Variants in GLIS1 observed in about 807,000 individuals in gnomAD.
GLIS1 encodes the protein GLIS family zinc finger 1.
Under a neutral mutation model 63.8 loss-of-function variants are expected in GLIS1, and 24 were observed. The ratio of observed to expected loss-of-function variants is 0.38; its 90% CI spans 0.27 to 0.53. GLIS1 has a LOEUF of 0.53. GLIS1 is among the 20% of genes least tolerant of loss of function. GLIS1 has a pLI of 0.85. For missense variants in GLIS1, 1,036 were observed against 1,074.1 expected (o/e 0.96, Z 0.50); for synonymous variants, 450 against 482.5 (o/e 0.93, Z 0.88).
In GLIS1 at chr1:53,684,960, C is replaced by T. The variant is rs189025173; in HGVS notation, c.259+52846G>A. Among the ~76,000 whole-genome samples the T allele has an allele frequency of 1.4e-4, 21 of 152,198 alleles. No individual in the cohort carries two copies. The East Asian group carries it at 3.7e-3, about 27-fold the overall frequency. On this transcript the variant is annotated intron_variant, in intron 2 of 10. Coordinates refer to ENST00000628545, the MANE Select transcript of GLIS1 (RefSeq NM_001367484.1). ...AGTCATGCTGCCATCAAGAGACTCA[C>T]GGGAGGGGAGATAAGCCAGAGCTCT... is the stretch of plus-strand genomic sequence containing the variant.
chr1:53,710,016 C>T (rs995961987), intron 2 of GLIS1, among the ~76,000 whole-genome samples: 1 of 152,158 alleles, frequency 6.6e-6, no homozygotes, highest in African/African-American at 2.4e-5. Context: ...GAGACCTTTG[C>T]CCACATCACA....
chr1:53,587,817 T>C (rs1645151118), intron 4 of GLIS1, among the ~76,000 whole-genome samples: 1 of 152,226 alleles, frequency 6.6e-6, no homozygotes, highest in African/African-American at 2.4e-5. Context: ...AGCAGGTGCT[T>C]AGTGACAGCT....
chr1:53,510,003 T>C lies in GLIS1; in HGVS notation c.1908A>G (p.Pro636=). The change falls in exon 9 of 11, where the codon CCA becomes CCG. Residue 636 remains proline (P), a synonymous_variant. Transcript: ENST00000628545. ...CCAGCCCCTTCAGGGGGCTGACTATTGGTGAGAGGAGGCCGGGCCCCAACC... is the reference window on the plus strand; with the variant it reads ...CCAGCCCCTTCAGGGGGCTGACTATCGGTGAGAGGAGGCCGGGCCCCAACC... ...RDGLGPGLLS[P]IVSPLKGLGP... The C allele has an allele frequency of 7.8e-7, 1 of 1,280,568 alleles. No individual in the cohort carries two copies. The highest frequency in any genetic ancestry group is 9.9e-7 in the Non-Finnish European group (1 of 1,005,648). 79.3% of individuals were successfully genotyped at this position (1,280,568 alleles called of 1,614,324 possible).
At chr1:53,674,223 A>C (rs1646187731) in intron 2 of GLIS1, among the ~76,000 whole-genome samples, 1 of 151,906 alleles carries the variant, frequency 6.6e-6, no homozygotes, top group African/African-American at 2.4e-5. Flanking sequence ...GATGGGGGTG[A>C]AAACATTGCA....
At chr1:53,610,270 T>TA (rs1441220896) in intron 2 of GLIS1, among the ~76,000 whole-genome samples, 2 of 152,212 alleles carry the variant, frequency 1.3e-5, no homozygotes, top group South Asian at 2.1e-4. Flanking sequence ...AGTTAATATT[T>TA]AAAAAAATAC....
At chr1:53,728,931 T>C (rs1041885394) in intron 2 of GLIS1, among the ~76,000 whole-genome samples, 1 of 152,208 alleles carries the variant, frequency 6.6e-6, no homozygotes, top group African/African-American at 2.4e-5. Context: ...CACAGATCTT[T>C]AAAGCATGTA....
At chr1:53,697,391 C>T (rs1445690461) in intron 2 of GLIS1, among the ~76,000 whole-genome samples, 1 of 152,194 alleles carries the variant, frequency 6.6e-6, no homozygotes, top group African/African-American at 2.4e-5. Flanking sequence ...TGCAGTTCCT[C>T]CCCACCGTTC....
At chr1:53,602,092 A>G (rs1645324180) in intron 2 of GLIS1, among the ~76,000 whole-genome samples, 1 of 152,170 alleles carries the variant, frequency 6.6e-6, no homozygotes, top group South Asian at 2.1e-4. Context: ...CCCCAGCCCC[A>G]GTCCTGGCCC....
chr1:53,666,736 C>G (rs1042144476), intron 2 of GLIS1, among the ~76,000 whole-genome samples: 4 of 152,230 alleles, frequency 2.6e-5, no homozygotes, highest in Admixed American at 6.5e-5. Context: ...GCACCTCACA[C>G]CCTCTACTCA....
chr1:53,565,821 G>A (rs1202503055), intron 4 of GLIS1, among the ~76,000 whole-genome samples: 1 of 151,718 alleles, frequency 6.6e-6, no homozygotes, highest in Non-Finnish European at 1.5e-5. Context: ...GAAAAAAAAA[G>A]GGATACTCCC....
chr1:53,530,998 G>A (rs771661216), intron 4 of GLIS1, among the ~76,000 whole-genome samples: 7 of 152,216 alleles, frequency 4.6e-5, no homozygotes, highest in African/African-American at 1.2e-4. Context: ...TGAAGTATAC[G>A]GCATTAATGT....
chr1:53,620,262 G>C (rs184317012), intron 2 of GLIS1, among the ~76,000 whole-genome samples: 1 of 152,324 alleles, frequency 6.6e-6, no homozygotes, highest in Non-Finnish European at 1.5e-5. Context: ...GGGCTGACCT[G>C]TACTTCTGAC....
chr1:53,723,723 T>C (rs976585659), intron 2 of GLIS1, among the ~76,000 whole-genome samples: 1 of 152,144 alleles, frequency 6.6e-6, no homozygotes, highest in Admixed American at 6.5e-5. Context: ...TTTCCAAAGC[T>C]TCTACAGTAA....
intron 4 of GLIS1, among the ~76,000 whole-genome samples, chr1:53,547,843 C>T (rs1312296819): frequency 6.6e-6 from 1 of 152,156 alleles, no homozygotes; most frequent in Non-Finnish European, 1.5e-5. Flanking sequence ...TTCATAAAGT[C>T]GATTTCCATT....
chr1:53,672,516 T>C (rs1364458324), intron 2 of GLIS1, among the ~76,000 whole-genome samples: 1 of 152,232 alleles, frequency 6.6e-6, no homozygotes, highest in Admixed American at 6.5e-5. Context: ...GAGTGACTTA[T>C]TGTGTGCTTC....
At chr1:53,715,061 T>G (rs989355404) in intron 2 of GLIS1, among the ~76,000 whole-genome samples, 2 of 152,094 alleles carry the variant, frequency 1.3e-5, no homozygotes, top group African/African-American at 2.4e-5. Context: ...GGACTACAGG[T>G]GCATGCCACC....
At chr1:53,677,108 T>C (rs1456652168) in intron 2 of GLIS1, among the ~76,000 whole-genome samples, 1 of 152,218 alleles carries the variant, frequency 6.6e-6, no homozygotes, top group East Asian at 1.9e-4. Context: ...CCCTTGAGGA[T>C]GACGCCGGCC....
In GLIS1 at chr1:53,514,745, A is replaced by T. The variant is rs1644333278; in HGVS notation, c.1763T>A (p.Leu588His). ...CGCTGGGGGCAGGAGGCCCGATGCA[A>T]GTCCGTTATGGGGGGTGATGGAGCC... ...YPGSITPHNG[L>H]ASGLLPPAHD... Residue 588 changes from leucine (L) to histidine (H), a missense_variant, in exon 8 of 11, where the codon CTT becomes CAT. Around this residue, in one of 3 missense-constraint regions of GLIS1, gnomAD observed 400 missense variants for 400.9 expected, o/e 1.00. Coordinates refer to ENST00000628545, the MANE Select transcript of GLIS1 (RefSeq NM_001367484.1). The T allele has an allele frequency of 1.2e-6, 2 of 1,609,188 alleles. No individual in the cohort carries two copies. Among genetic ancestry groups the T allele is most frequent in the African/African-American group, 1.3e-5 (1 of 74,866 alleles).
intron 2 of GLIS1, among the ~76,000 whole-genome samples, chr1:53,735,701 A>C (rs981789240): frequency 6.6e-6 from 1 of 152,140 alleles, no homozygotes; most frequent in Admixed American, 6.5e-5. Context: ...TCTGTTTCCA[A>C]TAAGCCTGAG....
Sources: allele counts gnomAD v4.1 joint callset (sites outside exome capture counted in the v4.1 genomes callset), GRCh38; gene constraint gnomAD v4.1.1; regional missense constraint gnomAD v4.1.1; transcripts MANE v1.5; gene names NCBI Gene and HGNC (gene_info 2026-07-23, HGNC 2026-07-21).